The following GGA1 variants were observed in gnomAD, a reference collection of about 807,000 sequenced individuals.
GGA1 encodes golgi associated, gamma adaptin ear containing, ARF binding protein 1.
In GGA1, 18 loss-of-function variants were observed where a neutral mutation model predicts 76.9. The ratio of observed to expected loss-of-function variants is 0.23; its 90% CI spans 0.16 to 0.35. GGA1 has a LOEUF of 0.35. Among genes scored for constraint, GGA1 ranks in the 10% least tolerant of loss-of-function variants. The pLI is 1.00. For missense variants in GGA1, 755 were observed against 859.0 expected, an observed-to-expected ratio of 0.88 and a Z score of 1.51; for synonymous variants, 342 against 354.7, an observed-to-expected ratio of 0.96 and a Z score of 0.40.
In GGA1 at chr22:37,630,103, G is replaced by A. The variant is rs778341426; in HGVS notation, c.1264G>A (p.Asp422Asn). ...TSLPASSGLD[D>N]LDLLGKTLLQ... The stretch of plus-strand genomic sequence containing the variant: ...CCTGCCAGCAAGCAGCGGTCTGGAC[G>A]ACCTAGACCTCCTGGGGAAGACCCT... The change falls in exon 13 of 17, where the codon GAC (aspartate) becomes AAC (asparagine). Residue 422 changes from aspartate (D) to asparagine (N), a missense_variant. By Grantham distance (23) the Asp-to-Asn change is conservative (BLOSUM62 1). Transcript: ENST00000343632. 6.8e-6 allele frequency: 11 copies of A among 1,609,786 alleles called. No homozygotes were observed. Among genetic ancestry groups the A allele is most frequent in the African/African-American group, 1.3e-5 (1 of 74,588 alleles).
Position 37,623,490 on chromosome 22 carries a change from C to T in GGA1, c.750+23C>T, listed in dbSNP as rs752814998. ...AAGGTGCACCTGCCTCCCTGCCTAC[C>T]CCACTCCCTGCCCACTCCACAGCCC... On this transcript the variant is annotated intron_variant, in intron 8 of 16. Coordinates refer to ENST00000343632, the MANE Select transcript of GGA1 (RefSeq NM_013365.5). This position sits in a 1 kb window ranked among gnomAD's most constrained non-coding sequence, Gnocchi z 4.6. 1 of 1,613,450 alleles carries T rather than the reference C, an allele frequency of 6.2e-7. No individual in the cohort carries two copies. The highest frequency in any genetic ancestry group is 2.2e-5 in the East Asian group (1 of 44,882).
intron 4 of GGA1, among the ~76,000 whole-genome samples, chr22:37,619,156 C>A (rs1013332332): frequency 6.6e-6 from 1 of 152,208 alleles, no homozygotes; most frequent in Non-Finnish European, 1.5e-5. Context: ...ACCTCCACCT[C>A]CTGGGTTCAA....
chr22:37,614,385 A>G, intron 2 of GGA1, 111 bp downstream of exon 2: 1 of 754,636 alleles, frequency 1.3e-6, no homozygotes, highest in South Asian at 1.5e-5. Context: ...ACGTATTCAC[A>G]AAGTGATGAG....
Position 37,632,097 on chromosome 22 carries a change from G to A in GGA1, c.1630G>A (p.Val544Met). 9 of 1,613,826 alleles carry A rather than the reference G, an allele frequency of 5.6e-6. No homozygotes were observed. The highest frequency in any genetic ancestry group is 7.6e-6 in the Non-Finnish European group (9 of 1,179,978). The part of the protein sequence containing the change: ...LPGRSDVLVV[V>M]VSMLSTAPQP... ...AGGGCGCTCCGACGTGCTGGTGGTG[G>A]TGGTTTCCATGCTGAGCACCGCCCC... is the stretch of plus-strand genomic sequence containing the variant. Residue 544 changes from valine to methionine, a missense_variant, in exon 15 of 17, where the codon GTG becomes ATG. Physicochemically the swap from Val to Met is conservative, Grantham distance 21 (BLOSUM62 1). Coordinates refer to ENST00000343632, the MANE Select transcript of GGA1 (RefSeq NM_013365.5). The surrounding 1 kb of genome is among the most constrained non-coding windows in gnomAD (Gnocchi z 5.1).
intron 5 of GGA1, 86 bp downstream of exon 5, chr22:37,620,447 T>A (rs1929679489): frequency 1.4e-6 from 2 of 1,437,588 alleles, no homozygotes; most frequent in Non-Finnish European, 1.9e-6. Flanking sequence ...TTCAGGGGCT[T>A]CTGAGCCAGC....
intron 13 of GGA1, 161 bp from the exon 14 acceptor site, chr22:37,630,742 A>G: frequency 3.4e-6 from 2 of 589,212 alleles, no homozygotes; most frequent in Non-Finnish European, 6.0e-6. Context: ...AGTTTTTTGT[A>G]TTTTTTATAC....
Position 37,630,167 on chromosome 22 carries a change from G to A in GGA1, c.1328G>A (p.Arg443Gln), listed in dbSNP as rs761555283. 1.0e-5 allele frequency: 16 copies of A among 1,576,454 alleles called. No homozygotes were observed. Among genetic ancestry groups the A allele is most frequent in the East Asian group, 2.3e-5 (1 of 42,672 alleles). The change falls in exon 13 of 17, where the codon CGG becomes CAG. Residue 443 changes from arginine (R) to glutamine (Q), a missense_variant. By Grantham distance (43) the Arg-to-Gln change is conservative. Transcript: ENST00000343632. Reference protein sequence around the residue: ...QSLPPESQQVRWEKQQPTPRL... With the variant: ...QSLPPESQQVQWEKQQPTPRL... Reference sequence around the variant, plus strand: ...CTGCCCCCGGAATCCCAGCAAGTGCGGTGGTGAGGGCCCACCATGGCTGGC... The same window carrying A: ...CTGCCCCCGGAATCCCAGCAAGTGCAGTGGTGAGGGCCCACCATGGCTGGC...
rs780840986 is a variant in GGA1, at chr22:37,618,482, G to A, written c.239G>A (p.Arg80Gln). Residue 80 changes from arginine (R) to glutamine (Q), a missense_variant, in exon 4 of 17, where the codon CGG becomes CAG. Arg to Gln is a conservative substitution (Grantham distance 43). Transcript: ENST00000343632. ...ACATGCATGAAGAGCTGCGGCAAGCGGTTCCACGACGAAGTGGGCAAGTTC... is the reference window on the plus strand; with the variant it reads ...ACATGCATGAAGAGCTGCGGCAAGCAGTTCCACGACGAAGTGGGCAAGTTC... ...LETCMKSCGKRFHDEVGKFRF... is the reference protein window; with the variant it reads ...LETCMKSCGKQFHDEVGKFRF... 20 of 1,613,370 alleles carry A rather than the reference G, an allele frequency of 1.2e-5. No homozygotes were observed. Among genetic ancestry groups the A allele is most frequent in the South Asian group, 4.4e-5 (4 of 91,064 alleles).
Position 37,625,868 on chromosome 22 carries a change from C to A in GGA1, c.1012C>A (p.Pro338Thr). 1 of 1,611,746 alleles carries A rather than the reference C, an allele frequency of 6.2e-7. No homozygotes were observed. Among genetic ancestry groups the A allele is most frequent in the Non-Finnish European group, 8.5e-7 (1 of 1,179,060 alleles). ...PPAGTTYPAMPTRPGEQASPE... is the reference protein window; with the variant it reads ...PPAGTTYPAMTTRPGEQASPE... ...TGCGGGCACCACCTACCCAGCTATG[C>A]CCACCCGCCCTGGCGAGCAGGCCAG... Residue 338 changes from proline (P) to threonine (T), a missense_variant, in exon 11 of 17, where the codon CCC (proline) becomes ACC (threonine). Pro to Thr is a conservative substitution (Grantham distance 38). Coordinates refer to ENST00000343632, the MANE Select transcript of GGA1 (RefSeq NM_013365.5). This position sits in a 1 kb window ranked among gnomAD's most constrained non-coding sequence, Gnocchi z 4.1.
At position 37,614,359 on chromosome 22, in the gene GGA1, C is replaced by A. The variant is rs1000435980; in HGVS notation, c.128+85C>A. On this transcript the variant is annotated intron_variant, in intron 2 of 16. Coordinates refer to ENST00000343632, the MANE Select transcript of GGA1 (RefSeq NM_013365.5). ...TACAATGGCCTGGGTGGGTGGAGAC[C>A]CGGTTTTCATTCTGAACGTATTCAC... The A allele has an allele frequency of 8.7e-6, 8 of 923,040 alleles. No individual in the cohort carries two copies. In the Middle Eastern group the frequency reaches 1.1e-3, roughly 122 times the overall value. 57.2% of individuals were successfully genotyped at this position (923,040 alleles called of 1,614,324 possible).
chr22:37,620,740 C>T (rs867450574), intron 5 of GGA1, 73 bp from the exon 6 acceptor site: 15 of 916,416 alleles, frequency 1.6e-5, no homozygotes, highest in South Asian at 2.6e-5. Flanking sequence ...CCTTGCCTGC[C>T]CCCATCCCCA....
At chr22:37,617,452 C>CT (rs1263471400) in intron 3 of GGA1, 3 of 1,012,330 alleles carry the variant, frequency 3.0e-6, no homozygotes, top group Non-Finnish European at 3.5e-6. Context: ...GGTGTACTGT[C>CT]TGTGGCCCCC....
Position 37,632,315 on chromosome 22 carries a change from C to T in GGA1, c.1699-90C>T. ...ACCAGAAGGACTGAGCCCCAGGATC[C>T]CCGGAGGGGAGCTGGCAGGCTGGGC... On this transcript the variant is annotated intron_variant, in intron 15 of 16. Coordinates refer to ENST00000343632, the MANE Select transcript of GGA1 (RefSeq NM_013365.5). This position sits in a 1 kb window ranked among gnomAD's most constrained non-coding sequence, Gnocchi z 5.1. The T allele has an allele frequency of 7.6e-7, 1 of 1,315,994 alleles. No individual in the cohort carries two copies. Among genetic ancestry groups the T allele is most frequent in the East Asian group, 2.3e-5 (1 of 43,274 alleles). The allele number at this position is 1,315,994 out of a possible 1,614,324, so 81.5% of individuals were successfully genotyped here.
At position 37,629,985 on chromosome 22, in the gene GGA1, CT is replaced by C. The variant is rs1236043259; in HGVS notation, c.1159-9del. On this transcript the variant is annotated splice_polypyrimidine_tract_variant and intron_variant, in intron 12 of 16. Transcript: ENST00000343632. ...TAGACAGCCCCACCCCACCTGCATC[CT>C]TTTCCCCACAGTCGTCGGATGCCAC... The C allele has an allele frequency of 5.9e-6, 9 of 1,537,134 alleles. No individual in the cohort carries two copies. The highest frequency in any genetic ancestry group is 2.0e-5 in the Admixed American group (1 of 50,766).
chr22:37,633,034 A>G lies in GGA1; in HGVS notation c.*323A>G, dbSNP rs1013668667. The G allele has an allele frequency of 3.1e-6, 1 of 322,932 alleles. No homozygotes were observed. Among genetic ancestry groups the G allele is most frequent in the East Asian group, 6.3e-5 (1 of 15,854 alleles). The allele number at this position is 322,932 out of a possible 1,614,324, so 20.0% of individuals were successfully genotyped here. ...GAAGCACAGCTGTTGGGGAAGGGCCAGGACCTCAGGCCCAGCCCCAACCCC... is the reference window on the plus strand; with the variant it reads ...GAAGCACAGCTGTTGGGGAAGGGCCGGGACCTCAGGCCCAGCCCCAACCCC... On this transcript the variant is annotated 3_prime_UTR_variant, in exon 17 of 17. Transcript: ENST00000343632.
chr22:37,626,156 G>A lies in GGA1; in HGVS notation c.1093+207G>A, dbSNP rs553172807. The A allele has an allele frequency of 1.5e-5, 6 of 406,706 alleles. No individual in the cohort carries two copies. In the East Asian group the frequency reaches 1.8e-4, roughly 12 times the overall value. 25.2% of individuals were successfully genotyped at this position (406,706 alleles called of 1,614,324 possible). The stretch of plus-strand genomic sequence containing the variant: ...GCGAGGCCACACGGCCAGAGGGTGA[G>A]GCTGGCAACCTCTAAGCCGGCCTCG... On this transcript the variant is annotated intron_variant, in intron 11 of 16. Transcript: ENST00000343632.
rs1206004207 is a variant in GGA1, at chr22:37,633,506, G to A, written c.*795G>A. The A allele has an allele frequency of 6.6e-6, 1 of 152,192 alleles. No homozygotes were observed. Among genetic ancestry groups the A allele is most frequent in the Non-Finnish European group, 1.5e-5 (1 of 68,040 alleles). 9.4% of individuals were successfully genotyped at this position (152,192 alleles called of 1,614,324 possible). On this transcript the variant is annotated 3_prime_UTR_variant, in exon 17 of 17. Transcript: ENST00000343632. ...TCCATCTGTCCGTGGTCAGAAGTGG[G>A]GTCAGTGTGTGAGTGAGAGCAGGAG...
At chr22:37,615,232 GGTT>G (rs1165095004) in intron 2 of GGA1, among the ~76,000 whole-genome samples, 3 of 151,556 alleles carry the variant, frequency 2.0e-5, no homozygotes, top group Admixed American at 2.0e-4. Flanking sequence ...GATCACCTGA[GGTT>G]GGGAGTTCAA....
intron 1 of GGA1, chr22:37,609,474 G>A (rs1277649413): frequency 8.1e-6 from 2 of 246,810 alleles, no homozygotes; most frequent in East Asian, 1.8e-4. Flanking sequence ...GCACCCTACA[G>A]GCTTGGGAGA....
Sources: gnomAD v4.1 joint callset for allele counts (sites outside exome capture counted in the v4.1 genomes callset) on GRCh38, gnomAD v4.1.1 for gene constraint, Gnocchi (gnomAD v3.1) non-coding constraint, MANE v1.5 for transcripts, NCBI Gene and HGNC (gene_info 2026-07-23, HGNC 2026-07-21) for gene names.